ESR2: variants seen among roughly 807,000 people sequenced by gnomAD.
ESR2 encodes the protein estrogen receptor 2, also known as estrogen receptor beta.
Under a neutral mutation model 49.6 loss-of-function variants are expected in ESR2, and 36 were observed. The observed-to-expected ratio is 0.73, with a 90% CI of 0.56 to 0.96. The LOEUF (loss-of-function observed/expected upper bound fraction) is 0.96, where lower values mean the gene tolerates loss of function less well. Ranked by LOEUF, ESR2 falls within the 40% of genes least tolerant of loss-of-function variation. The pLI is 0.00. For synonymous variants in ESR2, 320 were observed against 266.1 expected, an observed-to-expected ratio of 1.20 and a Z score of -1.97; for missense variants, 714 against 693.0, an observed-to-expected ratio of 1.03 and a Z score of -0.34.
Position 64,233,021 on chromosome 14 carries a change from T to C in ESR2, c.*116A>G. 1 of 1,478,568 alleles carries C rather than the reference T, an allele frequency of 6.8e-7. No homozygotes were observed. The highest frequency in any genetic ancestry group is 9.0e-7 in the Non-Finnish European group (1 of 1,114,750). 91.6% of individuals were successfully genotyped at this position (1,478,568 alleles called of 1,614,324 possible). A position where few individuals can be genotyped will look rare whatever the true frequency, so the allele number is the denominator to read the frequency against. ...GGGAAGGATGGTACATGACCAAGCC[T>C]GCCATCACCAAATGAGGGACCACAC... is the stretch of plus-strand genomic sequence containing the variant. On this transcript the variant is annotated 3_prime_UTR_variant, in exon 9 of 9. Transcript: ENST00000341099.
chr14:64,331,035 AC>A (rs2077451325), intron 1 of ESR2: 1 of 152,230 alleles, frequency 6.6e-6, no homozygotes, highest in African/African-American at 2.4e-5. Context: ...CTTAAATCCA[AC>A]AATATCAGAA....
chr14:64,252,311 A>G (rs1333432939), intron 6 of ESR2, among the ~76,000 whole-genome samples: 2 of 140,344 alleles, frequency 1.4e-5, no homozygotes, highest in African/African-American at 2.6e-5. Context: ...GACCGTCTCT[A>G]AAAAAAAAAA....
intron 1 of ESR2, among the ~76,000 whole-genome samples, chr14:64,287,375 A>G (rs1340208159): frequency 2.0e-5 from 3 of 152,246 alleles, no homozygotes; most frequent in Non-Finnish European, 4.4e-5. Flanking sequence ...TGCTTAGAAA[A>G]TACAGATCTC....
intron 1 of ESR2, among the ~76,000 whole-genome samples, chr14:64,326,888 G>C (rs1016065619): frequency 4.1e-4 from 62 of 152,272 alleles, no homozygotes; most frequent in African/African-American, 1.4e-3. Flanking sequence ...AAGGCTCCCA[G>C]TCAACCACGG....
At chr14:64,261,155 GT>G (rs1417124845) in intron 4 of ESR2, among the ~76,000 whole-genome samples, 1 of 150,492 alleles carries the variant, frequency 6.6e-6, no homozygotes, top group Non-Finnish European at 1.5e-5. Context: ...AACAAATTAA[GT>G]GAAAAAATCT....
Position 64,313,869 on chromosome 14 carries a change from A to G in ESR2, c.-91+24029T>C, listed in dbSNP as rs1596485307. Among the ~76,000 whole-genome samples the G allele has an allele frequency of 3.4e-5, 5 of 146,338 alleles. No homozygotes were observed. The Admixed American group carries it at 3.4e-4, about 10-fold the overall frequency. ...ACTCCAGCCAGGGCAACACAGGGAGACTCTGTCTCAAAAAAAAAAAAAAGA... is the reference window on the plus strand; with the variant it reads ...ACTCCAGCCAGGGCAACACAGGGAGGCTCTGTCTCAAAAAAAAAAAAAAGA... On this transcript the variant is annotated intron_variant, in intron 1 of 8. Coordinates refer to the ESR2 transcript ENST00000358599.
rs528704306 is a variant in ESR2, at chr14:64,252,042, A to G, written c.1092-2363T>C. 3.0e-4 allele frequency among the ~76,000 whole-genome samples: 46 copies of G among 152,342 alleles called. No individual in the cohort carries two copies. The South Asian group carries it at 3.9e-3, about 13-fold the overall frequency. On this transcript the variant is annotated intron_variant, in intron 6 of 8. Transcript: ENST00000341099. Reference sequence around the variant, plus strand: ...GAATTAAAGACAGGGCTGGCTGGGTAAAGTGGCCCATGTCTGTAATCCTCG... The same window carrying G: ...GAATTAAAGACAGGGCTGGCTGGGTGAAGTGGCCCATGTCTGTAATCCTCG...
intron 1 of ESR2, among the ~76,000 whole-genome samples, chr14:64,311,805 C>T (rs2077191431): frequency 6.6e-6 from 1 of 151,264 alleles, no homozygotes; most frequent in African/African-American, 2.4e-5. Flanking sequence ...AGCAATACCC[C>T]ATCTCTAAAA....
At chr14:64,254,826 C>CAAA (rs573433154) in intron 6 of ESR2, among the ~76,000 whole-genome samples, 14 of 133,800 alleles carry the variant, frequency 1.0e-4, no homozygotes, top group East Asian at 8.9e-4. Flanking sequence ...GTAGTCATTC[C>CAAA]AAAAAAAAAA....
intron 1 of ESR2, among the ~76,000 whole-genome samples, chr14:64,306,345 G>A (rs968522820): frequency 2.0e-5 from 3 of 151,978 alleles, no homozygotes; most frequent in Non-Finnish European, 4.4e-5. Context: ...ACTCCACTCC[G>A]TCCTGTCCTT....
At chr14:64,292,553 A>G (rs2076889728) in intron 1 of ESR2, among the ~76,000 whole-genome samples, 1 of 152,230 alleles carries the variant, frequency 6.6e-6, no homozygotes, top group African/African-American at 2.4e-5. Flanking sequence ...ACGTTCAAGC[A>G]TACAATTCTC....
At chr14:64,300,577 T>G (rs1319609460) in intron 1 of ESR2, among the ~76,000 whole-genome samples, 1 of 152,064 alleles carries the variant, frequency 6.6e-6, no homozygotes, top group South Asian at 2.1e-4. Context: ...CTGGACAACA[T>G]GGCGAAAACC....
Position 64,231,953 on chromosome 14 carries a change from A to G in ESR2, c.*1184T>C, listed in dbSNP as rs1413340263. ...TCTTTTTCACCCTGCCCACCATATA[A>G]ATTTTCCAATAAGAAAATATTTTTA... is the stretch of plus-strand genomic sequence containing the variant. On this transcript the variant is annotated 3_prime_UTR_variant, in exon 9 of 9. Coordinates refer to ENST00000341099, the MANE Select transcript of ESR2 (RefSeq NM_001437.3). The G allele has an allele frequency of 6.6e-6, 1 of 152,194 alleles. No homozygotes were observed. Among genetic ancestry groups the G allele is most frequent in the Non-Finnish European group, 1.5e-5 (1 of 68,024 alleles). 9.4% of individuals were successfully genotyped at this position (152,194 alleles called of 1,614,324 possible). A position where few individuals can be genotyped will look rare whatever the true frequency, so the allele number is the denominator to read the frequency against.
chr14:64,261,226 A>AT (rs1567754632), intron 4 of ESR2, among the ~76,000 whole-genome samples: 6 of 70,728 alleles, frequency 8.5e-5, no homozygotes, highest in African/African-American at 3.4e-4. Flanking sequence ...TAATGCTTTT[A>AT]TTTTTCTTTT....
chr14:64,304,822 G>C (rs1307097988), intron 1 of ESR2, among the ~76,000 whole-genome samples: 2 of 151,972 alleles, frequency 1.3e-5, no homozygotes, highest in Non-Finnish European at 2.9e-5. Context: ...GCTGCAGTGA[G>C]CTGTGATTGT....
In ESR2 at chr14:64,282,913, G is replaced by A. The variant is rs1252844124; in HGVS notation, c.73C>T (p.Leu25=). Reference sequence around the variant, plus strand: ...GGTATGTATATGGAGCCGTGCTCCAGGGGTAAGATGGATTGACTGCAGTTG... The same window carrying A: ...GGTATGTATATGGAGCCGTGCTCCAAGGGTAAGATGGATTGACTGCAGTTG... ...SYNCSQSILP[L]EHGSIYIPSS... The change falls in exon 2 of 9, where the codon CTG becomes TTG. Residue 25 remains leucine, a synonymous_variant. Coordinates refer to ENST00000341099, the MANE Select transcript of ESR2 (RefSeq NM_001437.3). 34 of 1,613,790 alleles carry A rather than the reference G, an allele frequency of 2.1e-5. No individual in the cohort carries two copies. Among genetic ancestry groups the A allele is most frequent in the Non-Finnish European group, 2.8e-5 (33 of 1,179,766 alleles).
intron 7 of ESR2, among the ~76,000 whole-genome samples, chr14:64,241,145 CAAAAAAAAAAAA>C (rs56347632): frequency 2.1e-5 from 2 of 95,402 alleles, no homozygotes; most frequent in East Asian, 4.9e-4. Context: ...GACTCCGTCT[CAAAAAAAAAAAA>C]AAAAAAAAAA....
intron 1 of ESR2, among the ~76,000 whole-genome samples, chr14:64,332,873 C>CTT (rs150273193): frequency 1.8e-4 from 23 of 128,676 alleles, no homozygotes; most frequent in East Asian, 1.8e-3. Flanking sequence ...AATCACAAAT[C>CTT]TTTTTTTTTT....
chr14:64,281,083 A>G (rs2076656882), intron 2 of ESR2, among the ~76,000 whole-genome samples: 1 of 152,228 alleles, frequency 6.6e-6, no homozygotes, highest in South Asian at 2.1e-4. Context: ...AATGTGAGAC[A>G]AGAAAAAGGG....
Sources: allele counts gnomAD v4.1 joint callset (sites outside exome capture counted in the v4.1 genomes callset), GRCh38; gene constraint gnomAD v4.1.1; transcripts MANE v1.5; gene names NCBI Gene and HGNC (gene_info 2026-07-23, HGNC 2026-07-21).